The following RALGAPA1 variants were observed in gnomAD, a reference collection of about 807,000 sequenced individuals.
RALGAPA1 encodes ral GTPase-activating protein subunit alpha-1.
RALGAPA1 carries 52 observed loss-of-function variants against 269.6 expected under a neutral mutation model. The observed-to-expected ratio is 0.19, with a 90% confidence interval of 0.15 to 0.24. The LOEUF (loss-of-function observed/expected upper bound fraction) is 0.24. Ranked by LOEUF, RALGAPA1 falls within the 10% of genes least tolerant of loss-of-function variation. The pLI is 1.00. For synonymous variants in RALGAPA1, 817 were observed against 1,008.3 expected (o/e 0.81, Z 3.60); for missense variants, 1,917 against 3,013.9 (o/e 0.64, Z 8.52).
At chr14:35,727,445 T>G (rs1373606045) in intron 13 of RALGAPA1, among the ~76,000 whole-genome samples, 1 of 150,594 alleles carries the variant, frequency 6.6e-6, no homozygotes, top group East Asian at 1.9e-4. Context: ...CTTTGAGCTT[T>G]TTTCTTTTTT....
intron 33 of RALGAPA1, among the ~76,000 whole-genome samples, chr14:35,629,640 G>A (rs918536949): frequency 6.6e-6 from 1 of 152,004 alleles, no homozygotes; most frequent in African/African-American, 2.4e-5. Flanking sequence ...AACAGCTGGG[G>A]ACTACAGGCG....
intron 1 of RALGAPA1, among the ~76,000 whole-genome samples, chr14:35,805,425 G>A (rs1195095455): frequency 6.8e-6 from 1 of 146,770 alleles, no homozygotes; most frequent in Admixed American, 6.8e-5. Flanking sequence ...CTGGGTGACA[G>A]AGTGAGACTC....
At chr14:35,570,561 A>C (rs1331859561) in intron 39 of RALGAPA1, 56 bp downstream of exon 39, 1 of 1,379,704 alleles carries the variant, frequency 7.2e-7, no homozygotes, top group Non-Finnish European at 9.7e-7. Context: ...AGAAATATTT[A>C]CCTTTGTGAG....
chr14:35,687,040 A>AG (rs1163873316), intron 18 of RALGAPA1, among the ~76,000 whole-genome samples: 1 of 152,208 alleles, frequency 6.6e-6, no homozygotes, highest in African/African-American at 2.4e-5. Context: ...GAACGTTTGC[A>AG]GGGAATACAT....
intron 17 of RALGAPA1, 71 bp downstream of exon 17, chr14:35,700,091 T>A (rs1373507929): frequency 7.3e-7 from 1 of 1,373,150 alleles, no homozygotes; most frequent in Non-Finnish European, 9.6e-7. Flanking sequence ...TTTATTTGAT[T>A]AAGCAAAATT....
chr14:35,711,727 G>T (rs1262536106), intron 16 of RALGAPA1, among the ~76,000 whole-genome samples: 1 of 151,986 alleles, frequency 6.6e-6, no homozygotes, highest in Admixed American at 6.6e-5. Context: ...CAACCACCCT[G>T]GCCTCCCAAA....
chr14:35,628,524 T>C (rs1338452435), intron 33 of RALGAPA1, among the ~76,000 whole-genome samples: 2 of 152,202 alleles, frequency 1.3e-5, no homozygotes, highest in Non-Finnish European at 1.5e-5. Flanking sequence ...TCTGTTCAAC[T>C]GATAAGTTTC....
chr14:35,586,918 TCTC>T lies in RALGAPA1; in HGVS notation c.7209+8713_7209+8715del, dbSNP rs201806300. On this transcript the variant is annotated intron_variant, in intron 37 of 41. Coordinates refer to ENST00000680220, the MANE Select transcript of RALGAPA1 (RefSeq NM_001346249.2). ...TTTATCAGGGATATTGGTCTAAAAT[TCTC>T]CTTTTTGTGTATGTGTATCTGCCAG... Among the ~76,000 whole-genome samples, 874 of 152,346 alleles carry T rather than the reference TCTC, an allele frequency of 5.7e-3. 13 individuals are homozygous for T. Among genetic ancestry groups the T allele is most frequent in the Admixed American group, 0.041 (634 of 15,304 alleles).
chr14:35,584,778 G>A (rs2139663867), intron 37 of RALGAPA1, among the ~76,000 whole-genome samples: 1 of 151,920 alleles, frequency 6.6e-6, no homozygotes, highest in East Asian at 1.9e-4. Context: ...CAAAGAACAA[G>A]GGCAAAAATA....
At chr14:35,555,848 C>A (rs963624746) in intron 39 of RALGAPA1, among the ~76,000 whole-genome samples, 1 of 152,096 alleles carries the variant, frequency 6.6e-6, no homozygotes, top group African/African-American at 2.4e-5. Flanking sequence ...TCTCAATGAC[C>A]TAGGTGTTGT....
intron 31 of RALGAPA1, among the ~76,000 whole-genome samples, chr14:35,637,980 G>A (rs2061769716): frequency 6.6e-6 from 1 of 152,192 alleles, no homozygotes; most frequent in South Asian, 2.1e-4. Flanking sequence ...AATATCCTTC[G>A]AACATGGAGA....
chr14:35,785,012 T>C (rs909977658), intron 1 of RALGAPA1, among the ~76,000 whole-genome samples: 3 of 152,084 alleles, frequency 2.0e-5, no homozygotes, highest in African/African-American at 7.2e-5. Context: ...CCAGACCCTA[T>C]CTCTACAAGC....
intron 31 of RALGAPA1, among the ~76,000 whole-genome samples, chr14:35,643,203 G>A (rs1479941617): frequency 6.6e-6 from 1 of 151,774 alleles, no homozygotes; most frequent in African/African-American, 2.4e-5. Context: ...GAGGCGGGAG[G>A]GATAGCATTA....
chr14:35,617,637 T>TGGGGGGGGGGGGGGGGGGGG (rs1221537442), intron 35 of RALGAPA1, among the ~76,000 whole-genome samples: 1 of 4,874 alleles, frequency 2.1e-4, no homozygotes, highest in African/African-American at 3.1e-4. Flanking sequence ...GTGTGTGGGG[T>TGGGGGGGGGGGGGGGGGGGG]GGGGGGGGGG....
intron 11 of RALGAPA1, 92 bp downstream of exon 11, chr14:35,742,276 A>G (rs970183510): frequency 1.1e-6 from 1 of 937,466 alleles, no homozygotes; most frequent in Non-Finnish European, 1.6e-6. Flanking sequence ...TTCCCATTTA[A>G]TAAGTATATT....
At chr14:35,674,321 T>A in intron 23 of RALGAPA1, 43 bp from the exon 24 acceptor site, 2 of 1,479,528 alleles carry the variant, frequency 1.4e-6, no homozygotes, top group Non-Finnish European at 1.9e-6. Context: ...AGAAAACTGT[T>A]ATCTCTTCCA....
At chr14:35,680,528 T>TAG (rs1467542328) in intron 21 of RALGAPA1, among the ~76,000 whole-genome samples, 1 of 152,140 alleles carries the variant, frequency 6.6e-6, no homozygotes, top group Admixed American at 6.5e-5. Flanking sequence ...AGATTTTAAA[T>TAG]ACTTTTATAT....
chr14:35,550,105 G>A (rs930395191), intron 39 of RALGAPA1, among the ~76,000 whole-genome samples: 1 of 152,196 alleles, frequency 6.6e-6, no homozygotes, highest in African/African-American at 2.4e-5. Flanking sequence ...TGTGCTGTTA[G>A]CACAGAGAGG....
intron 4 of RALGAPA1, among the ~76,000 whole-genome samples, chr14:35,770,698 A>G (rs1174091008): frequency 6.6e-6 from 1 of 152,138 alleles, no homozygotes; most frequent in Admixed American, 6.5e-5. Flanking sequence ...TTATAGTTTT[A>G]TCATCAATGT....
Sources: allele counts gnomAD v4.1 joint callset (sites outside exome capture counted in the v4.1 genomes callset), GRCh38; gene constraint gnomAD v4.1.1; transcripts MANE v1.5; gene names NCBI Gene and HGNC (gene_info 2026-07-23, HGNC 2026-07-21).